The following IGF2BP2 variants were observed in gnomAD, a reference collection of about 807,000 sequenced individuals.
IGF2BP2 encodes insulin-like growth factor 2 mRNA-binding protein 2.
Under a neutral mutation model 75.8 loss-of-function variants are expected in IGF2BP2, and 17 were observed. The observed-to-expected ratio is 0.22, with a 90% CI of 0.15 to 0.34. IGF2BP2 has a LOEUF of 0.34. Among genes scored for constraint, IGF2BP2 ranks in the 10% least tolerant of loss-of-function variants. IGF2BP2 has a pLI of 1.00. For missense variants in IGF2BP2, 516 were observed against 772.4 expected, an observed-to-expected ratio of 0.67 and a Z score of 3.93; for synonymous variants, 288 against 295.6, an observed-to-expected ratio of 0.97 and a Z score of 0.26.
At chr3:185,654,612 G>A (rs1577823556) in intron 12 of IGF2BP2, among the ~76,000 whole-genome samples, 2 of 152,204 alleles carry the variant, frequency 1.3e-5, no homozygotes, top group African/African-American at 4.8e-5. Context: ...TCCAGAAGTC[G>A]GAGGGCTACT....
intron 2 of IGF2BP2, among the ~76,000 whole-genome samples, chr3:185,712,266 CA>C (rs1477168904): frequency 3.3e-5 from 5 of 151,956 alleles, no homozygotes; most frequent in African/African-American, 1.2e-4. Context: ...GTAAAATTTG[CA>C]ATAATCAATC....
chr3:185,649,173 C>T (rs1384280909), intron 14 of IGF2BP2, among the ~76,000 whole-genome samples: 1 of 152,076 alleles, frequency 6.6e-6, no homozygotes, highest in Non-Finnish European at 1.5e-5. Context: ...GCTGGGCTTA[C>T]AGCACCACGG....
chr3:185,739,091 A>C (rs1285152525), intron 2 of IGF2BP2, among the ~76,000 whole-genome samples: 1 of 152,264 alleles, frequency 6.6e-6, no homozygotes, highest in Non-Finnish European at 1.5e-5. Flanking sequence ...ATGTGTTTTC[A>C]CATATCTTTG....
intron 2 of IGF2BP2, among the ~76,000 whole-genome samples, chr3:185,722,968 C>T (rs1726782312): frequency 6.6e-6 from 1 of 152,152 alleles, no homozygotes; most frequent in African/African-American, 2.4e-5. Context: ...GCCATAAAAA[C>T]ATGCTTTGTT....
intron 2 of IGF2BP2, among the ~76,000 whole-genome samples, chr3:185,802,460 G>A (rs1738414953): frequency 6.6e-6 from 1 of 152,244 alleles, no homozygotes; most frequent in East Asian, 1.9e-4. Context: ...TGCAGGGACA[G>A]AGGGTTGGCC....
At chr3:185,763,836 T>C (rs1225254735) in intron 2 of IGF2BP2, among the ~76,000 whole-genome samples, 1 of 152,160 alleles carries the variant, frequency 6.6e-6, no homozygotes, top group African/African-American at 2.4e-5. Flanking sequence ...GGATGTATGT[T>C]ATGGGAAACA....
At chr3:185,731,933 G>A (rs1728246218) in intron 2 of IGF2BP2, among the ~76,000 whole-genome samples, 1 of 151,938 alleles carries the variant, frequency 6.6e-6, no homozygotes, top group Non-Finnish European at 1.5e-5. Flanking sequence ...AGTGAGCTGA[G>A]ATCATGCCAC....
chr3:185,696,750 TA>T, intron 3 of IGF2BP2, 87 bp from the exon 4 acceptor site: 1 of 1,063,714 alleles, frequency 9.4e-7, no homozygotes, highest in Non-Finnish European at 1.4e-6. Flanking sequence ...GCAAACAAAT[TA>T]AAGGAAAAAA....
chr3:185,725,812 A>C (rs1053790270), intron 2 of IGF2BP2, among the ~76,000 whole-genome samples: 3 of 152,118 alleles, frequency 2.0e-5, no homozygotes, highest in Non-Finnish European at 2.9e-5. Flanking sequence ...ATCTCTATAA[A>C]AATTTTTTTA....
chr3:185,807,714 A>G (rs1451491801), intron 2 of IGF2BP2, among the ~76,000 whole-genome samples: 1 of 152,228 alleles, frequency 6.6e-6, no homozygotes, highest in African/African-American at 2.4e-5. Flanking sequence ...ACTGCATCAT[A>G]AAAGAAAAGG....
chr3:185,659,784 C>A (rs1716110275), intron 10 of IGF2BP2, among the ~76,000 whole-genome samples: 1 of 151,646 alleles, frequency 6.6e-6, no homozygotes, highest in East Asian at 2.0e-4. Flanking sequence ...TGAGAAGGAA[C>A]TATGTCTGAT....
chr3:185,784,033 A>C (rs374591522), intron 2 of IGF2BP2, among the ~76,000 whole-genome samples: 41 of 152,140 alleles, frequency 2.7e-4, no homozygotes, highest in African/African-American at 9.9e-4. Flanking sequence ...TCAGGAGTTC[A>C]AGACCAGCCT....
intron 2 of IGF2BP2, among the ~76,000 whole-genome samples, chr3:185,729,971 A>G (rs1727920137): frequency 2.0e-5 from 3 of 152,206 alleles, no homozygotes; most frequent in Admixed American, 6.5e-5. Context: ...TAGACTTTAG[A>G]AAAAATATTG....
At chr3:185,808,131 AAAAAGAAAG>A (rs772277764) in intron 2 of IGF2BP2, among the ~76,000 whole-genome samples, 13 of 120,788 alleles carry the variant, frequency 1.1e-4, no homozygotes, top group Non-Finnish European at 1.7e-4. Flanking sequence ...AAAAAAAAAA[AAAAAGAAAG>A]AAAGAAAGAA....
chr3:185,678,371 G>A (rs1014320442), intron 7 of IGF2BP2, among the ~76,000 whole-genome samples: 1 of 152,102 alleles, frequency 6.6e-6, no homozygotes, highest in Non-Finnish European at 1.5e-5. Context: ...AAAAACAAAG[G>A]AGAAATTAAG....
intron 2 of IGF2BP2, among the ~76,000 whole-genome samples, chr3:185,700,754 C>T (rs983392598): frequency 6.6e-6 from 1 of 151,990 alleles, no homozygotes; most frequent in African/African-American, 2.4e-5. Flanking sequence ...GAGATGTGAA[C>T]AAAGACAGCA....
chr3:185,745,139 C>T (rs1310149601), intron 2 of IGF2BP2, among the ~76,000 whole-genome samples: 3 of 152,196 alleles, frequency 2.0e-5, no homozygotes, highest in Non-Finnish European at 4.4e-5. Context: ...TTCCTCTGAT[C>T]ACACGGGTTT....
At chr3:185,804,220 T>A (rs1460092512) in intron 2 of IGF2BP2, among the ~76,000 whole-genome samples, 1 of 145,396 alleles carries the variant, frequency 6.9e-6, no homozygotes, top group East Asian at 2.0e-4. Flanking sequence ...GGCGCCATTG[T>A]ACTCCAGCCT....
At chr3:185,754,698 A>C (rs1273489848) in intron 2 of IGF2BP2, among the ~76,000 whole-genome samples, 1 of 152,204 alleles carries the variant, frequency 6.6e-6, no homozygotes, top group Non-Finnish European at 1.5e-5. Context: ...GAAATGAGGA[A>C]GTTAATGGGA....
Sources: allele counts gnomAD v4.1 joint callset (sites outside exome capture counted in the v4.1 genomes callset), GRCh38; gene constraint gnomAD v4.1.1; transcripts MANE v1.5; gene names NCBI Gene and HGNC (gene_info 2026-07-23, HGNC 2026-07-21).